The following RNASEH2B variants were observed in gnomAD, a reference collection of about 807,000 sequenced individuals.
RNASEH2B encodes the protein ribonuclease H2 subunit B, also known as Aicardi-Goutieres syndrome 2 protein.
Under a neutral mutation model 45.0 loss-of-function variants are expected in RNASEH2B, and 36 were observed. The ratio of observed to expected loss-of-function variants is 0.80; its 90% confidence interval spans 0.61 to 1.06. The LOEUF (loss-of-function observed/expected upper bound fraction) is 1.06. Ranked by LOEUF, RNASEH2B falls within the 50% of genes least tolerant of loss-of-function variation. The probability of loss-of-function intolerance (pLI) is 0.00; values close to 1 mark genes in which losing one functional copy is unlikely to be tolerated. For missense variants in RNASEH2B, 361 were observed against 360.3 expected, an observed-to-expected ratio of 1.00 and a Z score of -0.02; for synonymous variants, 119 against 125.7, an observed-to-expected ratio of 0.95 and a Z score of 0.35.
intron 1 of RNASEH2B, among the ~76,000 whole-genome samples, chr13:50,913,593 C>G (rs1394326048): frequency 1.3e-5 from 2 of 152,082 alleles, no homozygotes; most frequent in Non-Finnish European, 2.9e-5. Context: ...CCTGATTAAA[C>G]AGTCCTGAGG....
rs370285000 is a variant in RNASEH2B at position 50,969,708 on chromosome 13, G to A, written c.742-224G>A. On this transcript the variant is annotated intron_variant, in intron 9 of 9. Coordinates refer to the RNASEH2B transcript ENST00000422660. ...AAAACATACTTCTTGGTGTGCTCTC[G>A]AGGAGCCTGCTATGAACCCTAGAAT... 1.3e-4 allele frequency among the ~76,000 whole-genome samples: 20 copies of A among 152,044 alleles called. No homozygotes were observed. In the South Asian group the frequency reaches 4.2e-3, roughly 32 times the overall value.
chr13:50,934,128 CAG>C (rs929064654), intron 4 of RNASEH2B: 3 of 152,298 alleles, frequency 2.0e-5, no homozygotes, highest in African/African-American at 7.2e-5. Context: ...GTCCCCAAAT[CAG>C]GGGGCTAATA....
intron 9 of RNASEH2B, among the ~76,000 whole-genome samples, chr13:50,968,401 T>TA (rs1952187208): frequency 6.6e-6 from 1 of 151,940 alleles, no homozygotes; most frequent in Non-Finnish European, 1.5e-5. Flanking sequence ...CCCTGTCTCT[T>TA]AAAAAAGTAA....
intron 2 of RNASEH2B, among the ~76,000 whole-genome samples, chr13:50,929,072 G>C (rs1951642622): frequency 6.6e-6 from 1 of 151,216 alleles, no homozygotes; most frequent in Admixed American, 6.7e-5. Context: ...CTTGGTCCCT[G>C]TCAGACCCTG....
At chr13:50,929,074 C>CAG (rs1473125204) in intron 2 of RNASEH2B, among the ~76,000 whole-genome samples, 2 of 151,704 alleles carry the variant, frequency 1.3e-5, no homozygotes, top group African/African-American at 4.8e-5. Context: ...TGGTCCCTGT[C>CAG]AGACCCTGTG....
At chr13:50,918,940 T>C (rs972044993) in intron 1 of RNASEH2B, among the ~76,000 whole-genome samples, 27 of 152,186 alleles carry the variant, frequency 1.8e-4, no homozygotes, top group Admixed American at 6.6e-4. Flanking sequence ...TTAAGAAACC[T>C]GAATAGCCTT....
At chr13:50,965,494 C>T (rs1952156516) in intron 9 of RNASEH2B, among the ~76,000 whole-genome samples, 1 of 152,206 alleles carries the variant, frequency 6.6e-6, no homozygotes, top group African/African-American at 2.4e-5. Flanking sequence ...ATGTTTGTTG[C>T]ATGAGAGAAT....
downstream of RNASEH2B, chr13:50,956,863 T>A: frequency 2.0e-6 from 1 of 503,162 alleles, no homozygotes; most frequent in Non-Finnish European, 2.6e-6. Context: ...AACTGTGAGG[T>A]AAATTGTTAC....
intron 7 of RNASEH2B, among the ~76,000 whole-genome samples, chr13:50,946,465 A>G (rs1951901834): frequency 6.6e-6 from 1 of 152,218 alleles, no homozygotes; most frequent in Admixed American, 6.5e-5. Flanking sequence ...CACCTTTGCC[A>G]TACTGAGTTA....
At chr13:50,912,263 A>G (rs1416550866) in intron 1 of RNASEH2B, 1 of 152,256 alleles carries the variant, frequency 6.6e-6, no homozygotes, top group Non-Finnish European at 1.5e-5. Context: ...GCAGTGCAAC[A>G]CTAGTTCTCA....
At position 50,935,056 on chromosome 13, in the gene RNASEH2B, C is replaced by T. The variant is rs1408964493; in HGVS notation, c.436+57C>T. 6 of 1,113,080 alleles carry T rather than the reference C, an allele frequency of 5.4e-6. No individual in the cohort carries two copies. The Admixed American group carries it at 7.0e-5, about 13-fold the overall frequency. 69.0% of individuals were successfully genotyped at this position (1,113,080 alleles called of 1,614,324 possible). On this transcript the variant is annotated intron_variant, in intron 5 of 10. Coordinates refer to ENST00000336617, the MANE Select transcript of RNASEH2B (RefSeq NM_024570.4). ...AGAAAGGATGGACCTTGCCTAAGAA[C>T]GTGGCTGCTTACAGACACACTGAAT...
At chr13:50,910,172 C>T (rs1879271935) in intron 1 of RNASEH2B, 32 bp downstream of exon 1, 2 of 1,401,958 alleles carry the variant, frequency 1.4e-6, no homozygotes, top group South Asian at 1.6e-5. Flanking sequence ...GCGGGGTCGG[C>T]CCAAGAACTG....
chr13:50,947,942 A>G (rs1271586113), intron 7 of RNASEH2B, 45 bp from the exon 8 acceptor site: 2 of 1,600,802 alleles, frequency 1.2e-6, no homozygotes, highest in South Asian at 1.1e-5. Flanking sequence ...CACCATAATT[A>G]CTATTTTTTT....
intron 9 of RNASEH2B, 59 bp downstream of exon 9, chr13:50,949,564 A>G (rs780451460): frequency 4.1e-6 from 6 of 1,450,250 alleles, no homozygotes; most frequent in Non-Finnish European, 5.8e-6. Flanking sequence ...CACTCTTACC[A>G]CATGAGTTTA....
intron 9 of RNASEH2B, among the ~76,000 whole-genome samples, chr13:50,962,272 G>A (rs753072453): frequency 1.4e-4 from 22 of 152,156 alleles, no homozygotes; most frequent in Non-Finnish European, 1.3e-4. Context: ...GAGTTTGTGT[G>A]AGGTTGGTGT....
At chr13:50,929,297 C>T (rs1566079847) in intron 2 of RNASEH2B, among the ~76,000 whole-genome samples, 178 bp from the exon 3 acceptor site, 1 of 152,152 alleles carries the variant, frequency 6.6e-6, no homozygotes, top group African/African-American at 2.4e-5. Context: ...TGGAAAACTA[C>T]CATCTATGTA....
intron 1 of RNASEH2B, chr13:50,911,488 A>G (rs1879391606): frequency 6.6e-6 from 1 of 152,170 alleles, no homozygotes; most frequent in African/African-American, 2.4e-5. Flanking sequence ...AGACATGGGC[A>G]CTCATATCTC....
chr13:50,912,060 G>C (rs999032481), intron 1 of RNASEH2B: 1 of 152,214 alleles, frequency 6.6e-6, no homozygotes, highest in African/African-American at 2.4e-5. Flanking sequence ...GTTCAGAGCT[G>C]AGATCTACTG....
chr13:50,934,889 A>C lies in RNASEH2B; in HGVS notation c.326A>C (p.Lys109Thr). ...HYLIKADKEG[K>T]FQPLDQVVVD... ...TCCAACTAACTGTTTTTTCAGGGGA[A>C]GTTTCAGCCCCTTGATCAAGTTGTG... The change falls in exon 5 of 11, where the codon AAG (lysine) becomes ACG (threonine). Residue 109 changes from lysine to threonine, a missense_variant. Lys to Thr is a moderately conservative substitution (Grantham distance 78). Coordinates refer to ENST00000336617, the MANE Select transcript of RNASEH2B (RefSeq NM_024570.4). 3.7e-6 allele frequency: 6 copies of C among 1,607,442 alleles called. No homozygotes were observed. Among genetic ancestry groups the C allele is most frequent in the Non-Finnish European group, 5.1e-6 (6 of 1,174,404 alleles).
Sources: gnomAD v4.1 joint callset for allele counts (sites outside exome capture counted in the v4.1 genomes callset) on GRCh38, gnomAD v4.1.1 for gene constraint, MANE v1.5 for transcripts, NCBI Gene and HGNC (gene_info 2026-07-23, HGNC 2026-07-21) for gene names.